Variants in PRDM2 observed in about 807,000 individuals in gnomAD.
PRDM2 encodes PR/SET domain 2.
Under a neutral mutation model 130.0 loss-of-function variants are expected in PRDM2, and 30 were observed. The ratio of observed to expected loss-of-function variants is 0.23; its 90% CI spans 0.17 to 0.31. PRDM2 has a LOEUF of 0.31. PRDM2 is among the 10% of genes least tolerant of loss of function. The probability of loss-of-function intolerance (pLI) is 1.00; values close to 1 mark genes in which losing one functional copy is unlikely to be tolerated. For synonymous variants in PRDM2, 871 were observed against 782.4 expected (o/e 1.11, Z -1.89); for missense variants, 2,011 against 2,108.4 (o/e 0.95, Z 0.90).
Position 13,748,641 on chromosome 1 carries a change from G to C in PRDM2, c.385-720G>C, listed in dbSNP as rs140974906. 4.6e-3 allele frequency among the ~76,000 whole-genome samples: 695 copies of C among 152,296 alleles called. 8 individuals are homozygous for C. Among genetic ancestry groups the C allele is most frequent in the African/African-American group, 0.016 (658 of 41,544 alleles). On this transcript the variant is annotated intron_variant, in intron 5 of 9. Coordinates refer to ENST00000311066, the MANE Select transcript of PRDM2 (RefSeq NM_001393986.1). The stretch of plus-strand genomic sequence containing the variant: ...TCTTTTCTTCGGGATCTTGTTCTGG[G>C]TGGAATCAATTTGATGGTGGCCCTC...
chr1:13,733,397 C>G (rs1358987407), intron 4 of PRDM2, among the ~76,000 whole-genome samples: 1 of 152,238 alleles, frequency 6.6e-6, no homozygotes, highest in African/African-American at 2.4e-5. Flanking sequence ...TTCTGGAAGA[C>G]AGCAGGGCAT....
At chr1:13,721,775 T>C (rs937159398) in intron 2 of PRDM2, among the ~76,000 whole-genome samples, 6 of 152,238 alleles carry the variant, frequency 3.9e-5, no homozygotes, top group African/African-American at 1.4e-4. Flanking sequence ...AGAAAAAAGC[T>C]GTGGGACTGT....
At chr1:13,802,281 G>A (rs967907362) in intron 8 of PRDM2, among the ~76,000 whole-genome samples, 3 of 152,098 alleles carry the variant, frequency 2.0e-5, no homozygotes, top group South Asian at 2.1e-4. Context: ...CATCTGGGAC[G>A]CCCTGTCAGC....
At chr1:13,813,349 G>A (rs907382741) in intron 8 of PRDM2, among the ~76,000 whole-genome samples, 2 of 152,116 alleles carry the variant, frequency 1.3e-5, no homozygotes, top group Middle Eastern at 3.2e-3. Context: ...TTAACATCTC[G>A]GGGTTGGGGG....
intron 8 of PRDM2, among the ~76,000 whole-genome samples, chr1:13,800,155 G>A (rs1250455025): frequency 6.6e-6 from 1 of 152,126 alleles, no homozygotes; most frequent in African/African-American, 2.4e-5. Context: ...GGATATAGCA[G>A]GGAACAAAAC....
chr1:13,758,657 C>A (rs550060310), intron 6 of PRDM2, among the ~76,000 whole-genome samples: 36 of 152,148 alleles, frequency 2.4e-4, no homozygotes, highest in South Asian at 1.5e-3. Flanking sequence ...AAGAAAATAT[C>A]CTAAGGGATT....
intron 1 of PRDM2, among the ~76,000 whole-genome samples, chr1:13,712,338 C>A (rs1642397766): frequency 6.6e-6 from 1 of 152,106 alleles, no homozygotes; most frequent in African/African-American, 2.4e-5. Context: ...CTGAATTGTG[C>A]CTACAAGCTA....
intron 4 of PRDM2, among the ~76,000 whole-genome samples, chr1:13,739,138 C>A (rs191592555): frequency 9.2e-5 from 14 of 152,074 alleles, no homozygotes; most frequent in Non-Finnish European, 1.5e-4. Flanking sequence ...GCTCTGCCTC[C>A]CGTGTTCACG....
intron 9 of PRDM2, among the ~76,000 whole-genome samples, chr1:13,820,685 G>A (rs1046056838): frequency 1.3e-5 from 2 of 151,998 alleles, no homozygotes; most frequent in African/African-American, 4.8e-5. Context: ...TGTAGAGGTC[G>A]CCCATCCCGG....
intron 6 of PRDM2, among the ~76,000 whole-genome samples, chr1:13,765,958 GTA>G (rs1194272215): frequency 1.3e-5 from 2 of 152,256 alleles, no homozygotes; most frequent in Non-Finnish European, 2.9e-5. Context: ...CAAACCAGAT[GTA>G]TCCTGAGTGA....
chr1:13,815,637 G>A (rs1036197697), intron 8 of PRDM2, among the ~76,000 whole-genome samples: 5 of 152,198 alleles, frequency 3.3e-5, no homozygotes, highest in Non-Finnish European at 5.9e-5. Context: ...CTATGAAAGA[G>A]AAGTACGAGT....
intron 1 of PRDM2, among the ~76,000 whole-genome samples, chr1:13,711,478 A>G (rs1014791466): frequency 6.6e-6 from 1 of 152,218 alleles, no homozygotes; most frequent in Non-Finnish European, 1.5e-5. Flanking sequence ...TCGATTGTCA[A>G]AATGATTGGA....
At position 13,807,189 on chromosome 1, in the gene PRDM2, T is replaced by G. The variant is rs558630057; in HGVS notation, c.5037-9238T>G. Among the ~76,000 whole-genome samples, 11 of 152,330 alleles carry G rather than the reference T, an allele frequency of 7.2e-5. No individual in the cohort carries two copies. The East Asian group carries it at 2.1e-3, about 29-fold the overall frequency. On this transcript the variant is annotated intron_variant, in intron 8 of 9. Coordinates refer to ENST00000311066, the MANE Select transcript of PRDM2 (RefSeq NM_001393986.1). ...CAAACTCCTTCTGAAATGAGTATCTTTCCTCTCTAGGCTACACTAAGTGAC... is the reference window on the plus strand; with the variant it reads ...CAAACTCCTTCTGAAATGAGTATCTGTCCTCTCTAGGCTACACTAAGTGAC...
At position 13,771,864 on chromosome 1, in the gene PRDM2, T is replaced by A. The variant is rs548520175; in HGVS notation, c.512-1214T>A. Reference sequence around the variant, plus strand: ...GGTGGTGTTTTTTAGGATTTGTTTTTGCTTTGTATTGTATTTGATGTTTCT... The same window carrying A: ...GGTGGTGTTTTTTAGGATTTGTTTTAGCTTTGTATTGTATTTGATGTTTCT... On this transcript the variant is annotated intron_variant, in intron 6 of 9. Coordinates refer to ENST00000311066, the MANE Select transcript of PRDM2 (RefSeq NM_001393986.1). This position sits in a 1 kb window ranked among gnomAD's most constrained non-coding sequence, Gnocchi z 4.1. 7 of 152,400 alleles carry A rather than the reference T, an allele frequency of 4.6e-5. No individual in the cohort carries two copies. The East Asian group carries it at 1.3e-3, about 29-fold the overall frequency. The allele number at this position is 152,400 out of a possible 1,614,324, so 9.4% of individuals were successfully genotyped here.
intron 5 of PRDM2, among the ~76,000 whole-genome samples, chr1:13,748,090 G>A (rs1643669789): frequency 6.6e-6 from 1 of 152,190 alleles, no homozygotes. Context: ...ATCATGATTA[G>A]ATTCGACGTA....
intron 2 of PRDM2, among the ~76,000 whole-genome samples, chr1:13,720,617 A>C (rs1642693569): frequency 6.6e-6 from 1 of 152,152 alleles, no homozygotes; most frequent in African/African-American, 2.4e-5. Flanking sequence ...ACTGGTTGAA[A>C]ATAATAATAA....
chr1:13,749,283 G>T, intron 5 of PRDM2, 78 bp from the exon 6 acceptor site: 3 of 1,251,120 alleles, frequency 2.4e-6, no homozygotes, highest in Non-Finnish European at 3.1e-6. Context: ...GCTCCCGCCC[G>T]CGTCCCGGTG....
chr1:13,715,698 C>G, intron 2 of PRDM2, 84 bp downstream of exon 2: 1 of 1,203,332 alleles, frequency 8.3e-7, no homozygotes, highest in Non-Finnish European at 1.2e-6. Context: ...GTAGCACACA[C>G]ATTCATTTCT....
At chr1:13,721,183 T>G (rs1412568223) in intron 2 of PRDM2, among the ~76,000 whole-genome samples, 2 of 152,216 alleles carry the variant, frequency 1.3e-5, no homozygotes, top group Non-Finnish European at 2.9e-5. Context: ...TATTGTTGCA[T>G]GTATCAGTAG....
Sources: allele counts gnomAD v4.1 joint callset (sites outside exome capture counted in the v4.1 genomes callset), GRCh38; gene constraint gnomAD v4.1.1; non-coding constraint Gnocchi (gnomAD v3.1); transcripts MANE v1.5; gene names NCBI Gene and HGNC (gene_info 2026-07-23, HGNC 2026-07-21).